Variants in GMPS observed in about 807,000 individuals in gnomAD.
The protein encoded by GMPS is guanosine monophosphate synthase, also known as GMP synthase [glutamine-hydrolyzing].
GMPS carries 15 observed loss-of-function variants against 77.9 expected under a neutral mutation model. That is an observed-to-expected ratio of 0.19 (90% CI 0.13 to 0.30). The LOEUF is 0.30. Among genes scored for constraint, GMPS ranks in the 10% least tolerant of loss-of-function variants. The probability of loss-of-function intolerance (pLI) is 1.00; values close to 1 mark genes in which losing one functional copy is unlikely to be tolerated. For missense variants in GMPS, 590 were observed against 838.8 expected (o/e 0.70, Z 3.66); for synonymous variants, 224 against 275.9 (o/e 0.81, Z 1.86).
chr3:155,892,969 A>G (rs1347522109), intron 1 of GMPS, among the ~76,000 whole-genome samples: 1 of 152,196 alleles, frequency 6.6e-6, no homozygotes, highest in Non-Finnish European at 1.5e-5. Flanking sequence ...TATGAGTTAG[A>G]TGCATATATA....
intron 1 of GMPS, among the ~76,000 whole-genome samples, chr3:155,893,127 C>CT (rs1298595245): frequency 6.6e-6 from 1 of 152,090 alleles, no homozygotes; most frequent in Non-Finnish European, 1.5e-5. Flanking sequence ...AACTTATTGT[C>CT]CAAACTGGGA....
intron 13 of GMPS, among the ~76,000 whole-genome samples, chr3:155,932,367 T>C (rs1755649205): frequency 6.6e-6 from 1 of 151,788 alleles, no homozygotes; most frequent in Non-Finnish European, 1.5e-5. Context: ...ACTTGGTTAA[T>C]TTAGTAGTAA....
rs570901128 is a variant in GMPS, at chr3:155,913,963, T to G, written c.887-456T>G. Among the ~76,000 whole-genome samples the G allele has an allele frequency of 2.0e-3, 303 of 152,144 alleles. 2 individuals are homozygous for G. The highest frequency in any genetic ancestry group is 5.0e-3 in the South Asian group (24 of 4,814). On this transcript the variant is annotated intron_variant, in intron 7 of 15. Coordinates refer to ENST00000496455, the MANE Select transcript of GMPS (RefSeq NM_003875.3). ...TCTTTTTCTTTTCTTATTTTTTTTT[T>G]GGGGATGGAGTCTCTCTCTGTCACC...
intron 15 of GMPS, 64 bp downstream of exon 15, chr3:155,936,574 A>G: frequency 1.1e-6 from 1 of 934,588 alleles, no homozygotes; most frequent in East Asian, 2.4e-5. Context: ...AATATGGTGA[A>G]TGGAATAGGC....
At chr3:155,884,909 G>A (rs927744248) in intron 1 of GMPS, among the ~76,000 whole-genome samples, 6 of 152,180 alleles carry the variant, frequency 3.9e-5, no homozygotes, top group African/African-American at 1.4e-4. Context: ...CTGGGAAGGT[G>A]CCCACATGAA....
intron 11 of GMPS, among the ~76,000 whole-genome samples, chr3:155,924,704 A>G (rs184107632): frequency 5.3e-5 from 8 of 152,346 alleles, no homozygotes; most frequent in Admixed American, 2.6e-4. Flanking sequence ...TTGATAACCT[A>G]TAATTAATTA....
At chr3:155,871,339 G>T (rs990095440) in intron 1 of GMPS, among the ~76,000 whole-genome samples, 3 of 151,956 alleles carry the variant, frequency 2.0e-5, no homozygotes, top group African/African-American at 7.3e-5. Context: ...CCCGCCGAAG[G>T]CAGGGCAGGG....
intron 3 of GMPS, among the ~76,000 whole-genome samples, chr3:155,901,653 ATT>A (rs201295317): frequency 8.8e-4 from 129 of 146,792 alleles, no homozygotes; most frequent in African/African-American, 3.1e-3. Flanking sequence ...ACATGATTAG[ATT>A]TTTTTTTTTT....
chr3:155,872,406 G>A (rs965995748), intron 1 of GMPS, among the ~76,000 whole-genome samples: 1 of 152,162 alleles, frequency 6.6e-6, no homozygotes, highest in African/African-American at 2.4e-5. Flanking sequence ...CCGATTACTA[G>A]TCGACTTGCA....
At chr3:155,869,856 C>T (rs969669929), upstream of GMPS, among the ~76,000 whole-genome samples, 13 of 152,136 alleles carry the variant, frequency 8.5e-5, no homozygotes, top group African/African-American at 2.9e-4. Flanking sequence ...AAGTATTATT[C>T]TTTATACCCC....
chr3:155,922,582 C>T (rs980473719), intron 11 of GMPS, among the ~76,000 whole-genome samples: 1 of 152,156 alleles, frequency 6.6e-6, no homozygotes, highest in Non-Finnish European at 1.5e-5. Flanking sequence ...TCCTTTGAGT[C>T]AGGAATTTAT....
At chr3:155,928,689 C>A in intron 12 of GMPS, among the ~76,000 whole-genome samples, 1 of 104,968 alleles carries the variant, frequency 9.5e-6, no homozygotes, top group African/African-American at 3.7e-5. Context: ...CTCCCCCCTC[C>A]CCCCACCCCA....
At chr3:155,913,921 C>G (rs889612297) in intron 7 of GMPS, among the ~76,000 whole-genome samples, 1 of 151,928 alleles carries the variant, frequency 6.6e-6, no homozygotes, top group Non-Finnish European at 1.5e-5. Context: ...TTCTGTTACT[C>G]AGGATTTATT....
intron 3 of GMPS, among the ~76,000 whole-genome samples, chr3:155,899,666 C>G (rs553108072): frequency 1.3e-5 from 2 of 152,228 alleles, no homozygotes; most frequent in South Asian, 4.1e-4. Flanking sequence ...TTTGTACATT[C>G]TATTGTTTTG....
rs1293299336 is a variant in GMPS at position 155,939,606 on chromosome 3, AAAT to A, written c.*1915_*1917del. On this transcript the variant is annotated 3_prime_UTR_variant, in exon 16 of 16. Transcript: ENST00000496455. ...TAAAAACAATTGTTAAATTCTGCTT[AAAT>A]TAGTGTTTTCCTGATATTTGTTTTT... is the stretch of plus-strand genomic sequence containing the variant. 5.1e-6 allele frequency: 1 copy of A among 197,692 alleles called. No homozygotes were observed. The allele number at this position is 197,692 out of a possible 1,614,324, so 12.2% of individuals were successfully genotyped here. A position where few individuals can be genotyped will look rare whatever the true frequency, so the allele number is the denominator to read the frequency against.
At chr3:155,931,953 G>A in intron 13 of GMPS, 73 bp downstream of exon 13, 1 of 715,202 alleles carries the variant, frequency 1.4e-6, no homozygotes, top group South Asian at 1.7e-5. Context: ...TTCAATTAAT[G>A]GAAGACCAAA....
At chr3:155,901,683 A>C (rs1247306167) in intron 3 of GMPS, among the ~76,000 whole-genome samples, 2 of 152,030 alleles carry the variant, frequency 1.3e-5, no homozygotes, top group Non-Finnish European at 2.9e-5. Flanking sequence ...CTTATCTGCA[A>C]AGGTATTAAA....
At chr3:155,927,000 G>A (rs1239216525) in intron 12 of GMPS, among the ~76,000 whole-genome samples, 15 of 150,176 alleles carry the variant, frequency 1.0e-4, no homozygotes, top group Admixed American at 4.6e-4. Context: ...GGCAACAAGA[G>A]TGAAACTCCT....
chr3:155,915,260 G>A (rs1305865426), intron 8 of GMPS, among the ~76,000 whole-genome samples: 1 of 145,716 alleles, frequency 6.9e-6, no homozygotes, highest in South Asian at 2.2e-4. Flanking sequence ...TTTTGGAGGC[G>A]GAGTTTTGTT....
Sources: gnomAD v4.1 joint callset for allele counts (sites outside exome capture counted in the v4.1 genomes callset) on GRCh38, gnomAD v4.1.1 for gene constraint, MANE v1.5 for transcripts, NCBI Gene and HGNC (gene_info 2026-07-23, HGNC 2026-07-21) for gene names.